Variants in CCDC148 observed in about 807,000 individuals in gnomAD.
The protein encoded by CCDC148 is coiled-coil domain-containing protein 148.
CCDC148 carries 89 observed loss-of-function variants against 85.7 expected under a neutral mutation model. That is an observed-to-expected ratio of 1.04 (90% CI 0.87 to 1.24). CCDC148 has a LOEUF of 1.24. Among genes scored for constraint, CCDC148 ranks in the 50% most tolerant of loss-of-function variants. CCDC148 has a pLI of 0.00. For missense variants in CCDC148, 692 were observed against 671.7 expected (o/e 1.03, Z -0.33); for synonymous variants, 230 against 213.9 (o/e 1.08, Z -0.66).
chr2:158,225,155 C>T (rs921574335), intron 10 of CCDC148, among the ~76,000 whole-genome samples: 2 of 152,088 alleles, frequency 1.3e-5, no homozygotes, highest in Non-Finnish European at 2.9e-5. Context: ...GGTTGCAATC[C>T]TAGTCTCTGA....
intron 9 of CCDC148, among the ~76,000 whole-genome samples, chr2:158,273,007 T>A (rs894584197): frequency 6.6e-6 from 1 of 152,212 alleles, no homozygotes; most frequent in African/African-American, 2.4e-5. Context: ...TGGAAACATA[T>A]GAAGTGGATT....
intron 1 of CCDC148, among the ~76,000 whole-genome samples, chr2:158,398,723 G>A (rs1456504561): frequency 6.6e-6 from 1 of 152,058 alleles, no homozygotes; most frequent in African/African-American, 2.4e-5. Flanking sequence ...AACAAGAGAA[G>A]CAAGAGCAAA....
chr2:158,272,069 G>A (rs1689722848), intron 9 of CCDC148, among the ~76,000 whole-genome samples: 1 of 152,080 alleles, frequency 6.6e-6, no homozygotes, highest in African/African-American at 2.4e-5. Context: ...CAAAAGGCAG[G>A]GCTGATGTTC....
intron 9 of CCDC148, among the ~76,000 whole-genome samples, chr2:158,272,952 A>G (rs1689764814): frequency 6.6e-6 from 1 of 152,200 alleles, no homozygotes; most frequent in South Asian, 2.1e-4. Flanking sequence ...CTCTCTATAA[A>G]TATATGTAAT....
rs965833455 is a variant in CCDC148 at position 158,327,943 on chromosome 2, G to A, written c.764+10783C>T. On this transcript the variant is annotated intron_variant, in intron 7 of 13. Coordinates refer to ENST00000283233, the MANE Select transcript of CCDC148 (RefSeq NM_138803.4). ...TTTCTTTCATGAGATCTTCTAGATG[G>A]CCACTGTTTATATATATGAAAGTTT... Among the ~76,000 whole-genome samples, 7 of 151,788 alleles carry A rather than the reference G, an allele frequency of 4.6e-5. No homozygotes were observed. In the South Asian group the frequency reaches 8.3e-4, roughly 18 times the overall value.
intron 1 of CCDC148, among the ~76,000 whole-genome samples, chr2:158,363,374 C>A (rs2105272162): frequency 6.6e-6 from 1 of 152,230 alleles, no homozygotes; most frequent in African/African-American, 2.4e-5. Flanking sequence ...AAGAAAATTT[C>A]AGGCCAATAT....
At chr2:158,442,999 C>A (rs544605687) in intron 1 of CCDC148, among the ~76,000 whole-genome samples, 2 of 152,206 alleles carry the variant, frequency 1.3e-5, no homozygotes, top group South Asian at 4.1e-4. Context: ...CAGGTAGTGG[C>A]TCCTCAACAG....
chr2:158,229,911 C>G (rs1417053862), intron 10 of CCDC148, among the ~76,000 whole-genome samples: 3 of 152,138 alleles, frequency 2.0e-5, no homozygotes, highest in Non-Finnish European at 4.4e-5. Flanking sequence ...GGCATCTTAG[C>G]AACTCGCTTT....
intron 11 of CCDC148, among the ~76,000 whole-genome samples, chr2:158,210,916 G>A (rs1257232034): frequency 1.4e-5 from 2 of 146,508 alleles, no homozygotes; most frequent in Non-Finnish European, 3.0e-5. Flanking sequence ...CCAAGATCAT[G>A]CCACTGCACT....
intron 10 of CCDC148, among the ~76,000 whole-genome samples, chr2:158,222,751 T>C (rs1218523527): frequency 6.6e-6 from 1 of 152,146 alleles, no homozygotes; most frequent in Non-Finnish European, 1.5e-5. Flanking sequence ...CACATGGATA[T>C]ATCACCCTCT....
At chr2:158,313,997 G>A (rs2105214659) in intron 7 of CCDC148, 103 bp from the exon 8 acceptor site, 2 of 1,167,572 alleles carry the variant, frequency 1.7e-6, no homozygotes, top group Admixed American at 2.7e-5. Flanking sequence ...GAAGCAAAAC[G>A]AGGTTTCTGT....
chr2:158,364,457 A>G lies in CCDC148; in HGVS notation c.26-5887T>C, dbSNP rs562718407. Among the ~76,000 whole-genome samples the G allele has an allele frequency of 1.1e-4, 16 of 152,330 alleles. No homozygotes were observed. The South Asian group carries it at 2.9e-3, about 28-fold the overall frequency. On this transcript the variant is annotated intron_variant, in intron 1 of 13. Coordinates refer to ENST00000283233, the MANE Select transcript of CCDC148 (RefSeq NM_138803.4). ...AAAACAGCATGGTACTGGTACCAAAACAGATATACAGACAAACAGAACAGA... is the reference window on the plus strand; with the variant it reads ...AAAACAGCATGGTACTGGTACCAAAGCAGATATACAGACAAACAGAACAGA...
At chr2:158,217,128 T>G (rs1413617736) in intron 11 of CCDC148, among the ~76,000 whole-genome samples, 1 of 151,792 alleles carries the variant, frequency 6.6e-6, no homozygotes, top group Non-Finnish European at 1.5e-5. Context: ...AAAACAATTT[T>G]GATAAAATGA....
At chr2:158,243,512 T>C (rs529110887) in intron 10 of CCDC148, among the ~76,000 whole-genome samples, 107 of 152,258 alleles carry the variant, frequency 7.0e-4, no homozygotes, top group South Asian at 2.1e-3. Flanking sequence ...ACAATCTTTT[T>C]GAAATAATCT....
intron 11 of CCDC148, among the ~76,000 whole-genome samples, chr2:158,212,812 A>T (rs1298936489): frequency 1.3e-5 from 2 of 152,206 alleles, no homozygotes; most frequent in Non-Finnish European, 2.9e-5. Flanking sequence ...TAGAATTGAT[A>T]AACTGTTCCA....
chr2:158,382,556 G>T (rs1328857410), intron 1 of CCDC148, among the ~76,000 whole-genome samples: 2 of 152,130 alleles, frequency 1.3e-5, no homozygotes. Flanking sequence ...GCTAAGGCTA[G>T]TTTGACATAA....
At chr2:158,328,181 A>G (rs1692887267) in intron 7 of CCDC148, among the ~76,000 whole-genome samples, 1 of 151,976 alleles carries the variant, frequency 6.6e-6, no homozygotes, top group South Asian at 2.1e-4. Flanking sequence ...ACCCCACAAC[A>G]GGCCCCAGTG....
intron 11 of CCDC148, among the ~76,000 whole-genome samples, chr2:158,186,929 T>C (rs941236748): frequency 2.6e-5 from 4 of 152,058 alleles, no homozygotes; most frequent in African/African-American, 9.7e-5. Flanking sequence ...CCTTTAATTA[T>C]CTTGCCTTTT....
chr2:158,355,598 G>A (rs1248049935), intron 2 of CCDC148, among the ~76,000 whole-genome samples: 1 of 127,228 alleles, frequency 7.9e-6, no homozygotes, highest in Non-Finnish European at 1.7e-5. Flanking sequence ...ACAAATGGAA[G>A]AACATTCCAT....
Sources: gnomAD v4.1 joint callset for allele counts (sites outside exome capture counted in the v4.1 genomes callset) on GRCh38, gnomAD v4.1.1 for gene constraint, MANE v1.5 for transcripts, NCBI Gene and HGNC (gene_info 2026-07-23, HGNC 2026-07-21) for gene names.